Variants in PPP2R3A observed in about 807,000 individuals in gnomAD.
PPP2R3A encodes serine/threonine-protein phosphatase 2A regulatory subunit B'' subunit alpha.
In PPP2R3A, 80 loss-of-function variants were observed where a neutral mutation model predicts 106.9. The observed-to-expected ratio is 0.75, with a 90% CI of 0.62 to 0.90. The LOEUF (loss-of-function observed/expected upper bound fraction) is 0.90. PPP2R3A is among the 40% of genes least tolerant of loss of function. The probability of loss-of-function intolerance (pLI) is 0.00; values close to 1 mark genes in which losing one functional copy is unlikely to be tolerated. For missense variants in PPP2R3A, 1,386 were observed against 1,350.4 expected (o/e 1.03, Z -0.41); for synonymous variants, 483 against 468.3 (o/e 1.03, Z -0.41).
chr3:136,090,297 T>G (rs1937063489), intron 9 of PPP2R3A, among the ~76,000 whole-genome samples: 1 of 152,170 alleles, frequency 6.6e-6, no homozygotes, highest in Non-Finnish European at 1.5e-5. Context: ...TGAGTATTAA[T>G]CCTATATCTA....
At chr3:136,021,320 C>A (rs916226587) in intron 2 of PPP2R3A, among the ~76,000 whole-genome samples, 4 of 152,046 alleles carry the variant, frequency 2.6e-5, no homozygotes, top group African/African-American at 9.7e-5. Context: ...CAGGATGAAG[C>A]ATAAGACCAG....
Position 136,003,070 on chromosome 3 carries a change from G to C in PPP2R3A, c.1572G>C (p.Glu524Asp). The change falls in exon 2 of 14, where the codon GAG (glutamate) becomes GAC (aspartate). Residue 524 changes from glutamate to aspartate, a missense_variant. Coordinates refer to ENST00000264977, the MANE Select transcript of PPP2R3A (RefSeq NM_002718.5). ...TGGAATCTTTTTCACAGAAGATGGA[G>C]ACCTCTCTAAGAGAGCCACTTGCGA... is the stretch of plus-strand genomic sequence containing the variant. Reference protein sequence around the residue: ...MDLESFSQKMETSLREPLAKG... With the variant: ...MDLESFSQKMDTSLREPLAKG... 6.2e-7 allele frequency: 1 copy of C among 1,611,728 alleles called. No individual in the cohort carries two copies. Among genetic ancestry groups the C allele is most frequent in the Non-Finnish European group, 8.5e-7 (1 of 1,179,430 alleles).
rs764966260 is a variant in PPP2R3A at position 136,078,388 on chromosome 3, A to C, written c.2566A>C (p.Thr856Pro). 9 of 1,608,984 alleles carry C rather than the reference A, an allele frequency of 5.6e-6. No individual in the cohort carries two copies. In the Admixed American group the frequency reaches 6.7e-5, roughly 12 times the overall value. The part of the protein sequence containing the change: ...ITTVIQRIFY[T>P]VNRSWSGKIT... The stretch of plus-strand genomic sequence containing the variant: ...CCAGGTTATTCAGAGAATATTCTAC[A>C]CAGTCAACAGATCTTGGAGTGGAAA... The change falls in exon 7 of 14, where the codon ACA becomes CCA. Residue 856 changes from threonine (T) to proline (P), a missense_variant. By Grantham distance (38) the Thr-to-Pro change is conservative. Transcript: ENST00000264977.
chr3:136,106,301 C>G lies in PPP2R3A; in HGVS notation c.3308C>G (p.Ala1103Gly), dbSNP rs1284002451. ...GAGACGCTTGTTGCAGAGGAATCTG[C>G]CCAAGCACAATTCCAGGAAGGGTGA... ...EYETLVAEES[A>G]QAQFQEGFED... The change falls in exon 13 of 14, where the codon GCC becomes GGC. Residue 1103 changes from alanine (A) to glycine (G), a missense_variant. Physicochemically the swap from Ala to Gly is moderately conservative, Grantham distance 60. Coordinates refer to ENST00000264977, the MANE Select transcript of PPP2R3A (RefSeq NM_002718.5). 2.5e-6 allele frequency: 4 copies of G among 1,613,780 alleles called. No individual in the cohort carries two copies. The highest frequency in any genetic ancestry group is 2.5e-6 in the Non-Finnish European group (3 of 1,179,900).
intron 6 of PPP2R3A, among the ~76,000 whole-genome samples, chr3:136,073,361 T>C (rs1471610345): frequency 2.6e-5 from 4 of 152,250 alleles, no homozygotes; most frequent in Admixed American, 2.6e-4. Flanking sequence ...GTCATGTTAA[T>C]AATAGTTGAA....
chr3:136,032,653 G>A (rs1164480846), intron 3 of PPP2R3A, among the ~76,000 whole-genome samples: 1 of 151,894 alleles, frequency 6.6e-6, no homozygotes, highest in African/African-American at 2.4e-5. Context: ...TCCTGCCTCA[G>A]CCTCCCAAGT....
At chr3:136,081,721 G>A (rs1047524317) in intron 7 of PPP2R3A, among the ~76,000 whole-genome samples, 2 of 152,062 alleles carry the variant, frequency 1.3e-5, no homozygotes, top group African/African-American at 4.8e-5. Context: ...AGTGAGTCAG[G>A]GAAGACCCAG....
At chr3:135,999,336 C>A (rs979967453) in intron 1 of PPP2R3A, among the ~76,000 whole-genome samples, 1 of 152,126 alleles carries the variant, frequency 6.6e-6, no homozygotes, top group African/African-American at 2.4e-5. Context: ...CAGGATTGGG[C>A]TTCAAAACCA....
chr3:136,103,652 G>A (rs1212067620), intron 12 of PPP2R3A, among the ~76,000 whole-genome samples: 1 of 151,532 alleles, frequency 6.6e-6, no homozygotes, highest in Non-Finnish European at 1.5e-5. Flanking sequence ...CAAAAGAGTA[G>A]TTTTGAAAAA....
rs749818725 is a variant in PPP2R3A, at chr3:136,103,414, G to T, written c.3222+38G>T. ...TTTTAACTTTTATTTGAGGGCTGCA[G>T]TGTCAGGGGCTGTGTGTGCTACATA... On this transcript the variant is annotated intron_variant, in intron 12 of 13. Transcript: ENST00000264977. 13 of 1,413,894 alleles carry T rather than the reference G, an allele frequency of 9.2e-6. No homozygotes were observed. In the South Asian group the frequency reaches 1.6e-4, roughly 17 times the overall value. The allele number at this position is 1,413,894 out of a possible 1,614,324, so 87.6% of individuals were successfully genotyped here.
At chr3:136,034,380 G>A (rs1325233607) in intron 3 of PPP2R3A, among the ~76,000 whole-genome samples, 1 of 152,138 alleles carries the variant, frequency 6.6e-6, no homozygotes, top group Non-Finnish European at 1.5e-5. Context: ...TTTTCTCTTA[G>A]CATTGCCTTT....
chr3:136,032,498 T>C (rs1934931758), intron 3 of PPP2R3A, among the ~76,000 whole-genome samples: 1 of 142,510 alleles, frequency 7.0e-6, no homozygotes, highest in African/African-American at 2.7e-5. Flanking sequence ...TGACTTTCTC[T>C]TTTTTTTTTT....
At chr3:136,075,389 C>G (rs1408586128) in intron 6 of PPP2R3A, among the ~76,000 whole-genome samples, 4 of 152,152 alleles carry the variant, frequency 2.6e-5, no homozygotes, top group Non-Finnish European at 5.9e-5. Context: ...GAGTCAGCAG[C>G]TACATGCTTC....
At chr3:136,073,041 C>T (rs944990364) in intron 6 of PPP2R3A, among the ~76,000 whole-genome samples, 1 of 152,182 alleles carries the variant, frequency 6.6e-6, no homozygotes, top group Non-Finnish European at 1.5e-5. Flanking sequence ...GGTCTCGGCT[C>T]ACTGCAAGCT....
At chr3:136,021,305 C>T (rs1523595) in intron 2 of PPP2R3A, among the ~76,000 whole-genome samples, 1 of 151,712 alleles carries the variant, frequency 6.6e-6, no homozygotes, top group Non-Finnish European at 1.5e-5. Context: ...AAATAAGGAA[C>T]GACTCAGGAT....
chr3:136,137,488 C>A (rs1490321902), intron 13 of PPP2R3A, among the ~76,000 whole-genome samples: 2 of 140,650 alleles, frequency 1.4e-5, no homozygotes, highest in Non-Finnish European at 3.0e-5. Context: ...TTTTTAAAGG[C>A]AGCTTTTTCC....
chr3:136,049,461 C>T, intron 5 of PPP2R3A, 100 bp downstream of exon 5: 1 of 776,466 alleles, frequency 1.3e-6, no homozygotes, highest in Non-Finnish European at 2.1e-6. Flanking sequence ...CTACACAGAT[C>T]TAGATATCAG....
chr3:136,044,641 C>G (rs952161589), intron 4 of PPP2R3A, among the ~76,000 whole-genome samples: 1 of 150,798 alleles, frequency 6.6e-6, no homozygotes, highest in African/African-American at 2.4e-5. Context: ...GGGAGAGCTT[C>G]TCTTTCCTAC....
chr3:135,973,443 C>T (rs1385945582), intron 1 of PPP2R3A, among the ~76,000 whole-genome samples: 1 of 152,146 alleles, frequency 6.6e-6, no homozygotes, highest in Non-Finnish European at 1.5e-5. Flanking sequence ...TGAATCACGA[C>T]GTAACTAAAG....
Sources: allele counts gnomAD v4.1 joint callset (sites outside exome capture counted in the v4.1 genomes callset), GRCh38; gene constraint gnomAD v4.1.1; transcripts MANE v1.5; gene names NCBI Gene and HGNC (gene_info 2026-07-23, HGNC 2026-07-21).